Variants in LIN52 observed in about 807,000 individuals in gnomAD.
The protein encoded by LIN52 is lin-52 DREAM MuvB core complex component.
Under a neutral mutation model 18.5 loss-of-function variants are expected in LIN52, and 4 were observed. The observed-to-expected ratio is 0.22, with a 90% CI of 0.11 to 0.49. The LOEUF is 0.49. Among genes scored for constraint, LIN52 ranks in the 20% least tolerant of loss-of-function variants. The pLI is 0.97. For synonymous variants in LIN52, 34 were observed against 45.5 expected, an observed-to-expected ratio of 0.75 and a Z score of 1.02; for missense variants, 102 against 139.5, an observed-to-expected ratio of 0.73 and a Z score of 1.35.
In LIN52 at chr14:74,199,845, T is replaced by C. The variant is rs1380498543; in HGVS notation, c.*868T>C. 1 of 152,212 alleles carries C rather than the reference T, an allele frequency of 6.6e-6. No homozygotes were observed. The highest frequency in any genetic ancestry group is 1.9e-4 in the East Asian group (1 of 5,198). The allele number at this position is 152,212 out of a possible 1,614,324, so 9.4% of individuals were successfully genotyped here. On this transcript the variant is annotated 3_prime_UTR_variant, in exon 6 of 6. Transcript: ENST00000555028. The stretch of plus-strand genomic sequence containing the variant: ...TGAAAGCTAGAAGCCCTAATTGACC[T>C]TAAAGTAACATGCTATGGGATGGTG...
rs945254147 is a variant in LIN52, at chr14:74,201,316, A to G, written c.*2339A>G. Reference sequence around the variant, plus strand: ...CCAGAAAGTACAACTGTAATGATAAATAATCTACTGTTTTCCCCCTTAATA... The same window carrying G: ...CCAGAAAGTACAACTGTAATGATAAGTAATCTACTGTTTTCCCCCTTAATA... On this transcript the variant is annotated 3_prime_UTR_variant, in exon 6 of 6. Coordinates refer to ENST00000555028, the MANE Select transcript of LIN52 (RefSeq NM_001024674.3). The G allele has an allele frequency of 2.0e-5, 3 of 152,174 alleles. No individual in the cohort carries two copies. Among genetic ancestry groups the G allele is most frequent in the Admixed American group, 6.5e-5 (1 of 15,272 alleles). The allele number at this position is 152,174 out of a possible 1,614,324, so 9.4% of individuals were successfully genotyped here. A position where few individuals can be genotyped will look rare whatever the true frequency, so the allele number is the denominator to read the frequency against.
rs114904792 is a variant in LIN52, at chr14:74,147,796, A to G, written c.283+46558A>G. 6.3e-3 allele frequency among the ~76,000 whole-genome samples: 956 copies of G among 152,232 alleles called. 15 individuals carry two copies. Among genetic ancestry groups the G allele is most frequent in the African/African-American group, 0.022 (920 of 41,528 alleles). ...AGTAGTCAAATTCATAGAGACAGAA[A>G]GTAGAATGGGGGTTGGGAGGAATGG... On this transcript the variant is annotated intron_variant, in intron 5 of 5. Coordinates refer to ENST00000555028, the MANE Select transcript of LIN52 (RefSeq NM_001024674.3).
At chr14:74,190,389 C>CTTTTTT (rs68037994) in intron 5 of LIN52, among the ~76,000 whole-genome samples, 1,206 of 106,266 alleles carry the variant, frequency 0.011, 97 homozygotes, top group African/African-American at 0.043. Flanking sequence ...GCCTAAATAA[C>CTTTTTT]TTTTTTTTTT....
chr14:74,124,761 A>G lies in LIN52; in HGVS notation c.283+23523A>G, dbSNP rs371205879. On this transcript the variant is annotated intron_variant, in intron 5 of 5. Coordinates refer to ENST00000555028, the MANE Select transcript of LIN52 (RefSeq NM_001024674.3). ...GGGAGGTGGAGGTTGCAGTGAGCCA[A>G]GATTGCACCACTGCACCCCAGCCTG... is the stretch of plus-strand genomic sequence containing the variant. Among the ~76,000 whole-genome samples, 17 of 147,296 alleles carry G rather than the reference A, an allele frequency of 1.2e-4. 1 individual carries two copies. The highest frequency in any genetic ancestry group is 3.8e-4 in the African/African-American group (15 of 39,700).
intron 5 of LIN52, among the ~76,000 whole-genome samples, chr14:74,129,697 A>G (rs1258566915): frequency 6.6e-6 from 1 of 152,130 alleles, no homozygotes; most frequent in Non-Finnish European, 1.5e-5. Context: ...TACAAAAAAT[A>G]ATTAGCCAGG....
intron 5 of LIN52, among the ~76,000 whole-genome samples, chr14:74,161,101 G>A (rs1266623003): frequency 6.6e-6 from 1 of 152,140 alleles, no homozygotes; most frequent in African/African-American, 2.4e-5. Context: ...ACCTTAATTA[G>A]TATCACATTG....
intron 5 of LIN52, among the ~76,000 whole-genome samples, chr14:74,147,110 T>C (rs879404222): frequency 1.3e-5 from 2 of 151,922 alleles, no homozygotes; most frequent in East Asian, 3.9e-4. Flanking sequence ...ACTACAAAAT[T>C]AGCTGGGCAT....
intron 5 of LIN52, among the ~76,000 whole-genome samples, chr14:74,181,339 C>A (rs2061317882): frequency 1.3e-5 from 2 of 150,520 alleles, no homozygotes; most frequent in African/African-American, 4.9e-5. Context: ...ACTCAGGGGG[C>A]TAAGGTGGGA....
At position 74,182,877 on chromosome 14, in the gene LIN52, C is replaced by A. The variant is rs559778535; in HGVS notation, c.284-16045C>A. On this transcript the variant is annotated intron_variant, in intron 5 of 5. Coordinates refer to ENST00000555028, the MANE Select transcript of LIN52 (RefSeq NM_001024674.3). ...TTATGGGCAAAGTGAAAATTGTATTCTTAGATTCATCAGTATGATTTCTTA... is the reference window on the plus strand; with the variant it reads ...TTATGGGCAAAGTGAAAATTGTATTATTAGATTCATCAGTATGATTTCTTA... 2.4e-3 allele frequency among the ~76,000 whole-genome samples: 371 copies of A among 152,138 alleles called. 4 individuals are homozygous for A. The highest frequency in any genetic ancestry group is 8.5e-3 in the African/African-American group (353 of 41,520).
chr14:74,116,046 T>C (rs1171617376), intron 5 of LIN52, among the ~76,000 whole-genome samples: 1 of 152,212 alleles, frequency 6.6e-6, no homozygotes, highest in Non-Finnish European at 1.5e-5. Context: ...GCTCATGCCA[T>C]AATCCCAGCA....
intron 5 of LIN52, among the ~76,000 whole-genome samples, chr14:74,177,608 T>C (rs947154982): frequency 6.6e-6 from 1 of 152,184 alleles, no homozygotes; most frequent in Non-Finnish European, 1.5e-5. Context: ...AGTCTGAATA[T>C]TGGATTTCAT....
Position 74,130,278 on chromosome 14 carries a change from G to GTTTTTTTTTTTTTT in LIN52, c.283+29045_283+29058dup, listed in dbSNP as rs71460958. ...GAATTTATTAGATAGGCATTTTTTG[G>GTTTTTTTTTTTTTT]TTTTTTTTTTTTTTTTTTGAGACAG... On this transcript the variant is annotated intron_variant, in intron 5 of 5. Transcript: ENST00000555028. 3.6e-3 allele frequency among the ~76,000 whole-genome samples: 232 copies of GTTTTTTTTTTTTTT among 64,768 alleles called. 29 individuals are homozygous for GTTTTTTTTTTTTTT. Among genetic ancestry groups the GTTTTTTTTTTTTTT allele is most frequent in the African/African-American group, 0.011 (181 of 15,842 alleles). 42.5% of individuals were successfully genotyped at this position (64,768 alleles called of 152,430 possible).
chr14:74,089,806 C>T (rs1207165089), intron 1 of LIN52, among the ~76,000 whole-genome samples: 1 of 152,016 alleles, frequency 6.6e-6, no homozygotes, highest in African/African-American at 2.4e-5. Flanking sequence ...TAAAAGTCCT[C>T]ATGTTGAAAT....
At position 74,101,211 on chromosome 14, in the gene LIN52, C is replaced by G; in HGVS notation, c.256C>G (p.Leu86Val). ...GGAGAAGGTTCGAGGCCTACAGAAC[C>G]TAGCCTATCAGCTGGGGCTGGATGA... ...LMEKVRGLQN[L>V]AYQLGLDESR... Residue 86 changes from leucine (L) to valine (V), a missense_variant, in exon 5 of 6, where the codon CTA becomes GTA. Transcript: ENST00000555028. The G allele has an allele frequency of 6.2e-7, 1 of 1,610,770 alleles. No homozygotes were observed. Among genetic ancestry groups the G allele is most frequent in the Non-Finnish European group, 8.5e-7 (1 of 1,178,946 alleles).
intron 2 of LIN52, among the ~76,000 whole-genome samples, 192 bp from the exon 3 acceptor site, chr14:74,095,756 T>A (rs1399884624): frequency 6.6e-6 from 1 of 152,212 alleles, no homozygotes; most frequent in Non-Finnish European, 1.5e-5. Context: ...CTGACTTAGC[T>A]TGCCATTTTT....
chr14:74,150,543 G>A (rs2061172036), intron 5 of LIN52, among the ~76,000 whole-genome samples: 2 of 152,164 alleles, frequency 1.3e-5, no homozygotes, highest in South Asian at 2.1e-4. Flanking sequence ...ATGGCTGGGA[G>A]GGGGCCTGAG....
Position 74,084,966 on chromosome 14 carries a change from G to A in LIN52, c.-9G>A. On this transcript the variant is annotated 5_prime_UTR_variant, in exon 1 of 6. Transcript: ENST00000555028. ...ACGGTTGGCCACGTCACGTGACATGGGTTGGAAGATGGCGTCTCCCACAGA... is the reference window on the plus strand; with the variant it reads ...ACGGTTGGCCACGTCACGTGACATGAGTTGGAAGATGGCGTCTCCCACAGA... 4 of 1,452,290 alleles carry A rather than the reference G, an allele frequency of 2.8e-6. No homozygotes were observed. The highest frequency in any genetic ancestry group is 3.6e-6 in the Non-Finnish European group (4 of 1,100,356). The allele number at this position is 1,452,290 out of a possible 1,614,324, so 90.0% of individuals were successfully genotyped here.
chr14:74,166,639 T>C (rs1466268629), intron 5 of LIN52, among the ~76,000 whole-genome samples: 1 of 152,234 alleles, frequency 6.6e-6, no homozygotes, highest in African/African-American at 2.4e-5. Context: ...TTCTGTCTCA[T>C]GATGGGAAAT....
At chr14:74,150,287 A>G (rs2061170988) in intron 5 of LIN52, among the ~76,000 whole-genome samples, 2 of 152,240 alleles carry the variant, frequency 1.3e-5, no homozygotes, top group African/African-American at 4.8e-5. Flanking sequence ...AGTAGAATGA[A>G]TAAATAATGC....
Sources: gnomAD v4.1 joint callset for allele counts (sites outside exome capture counted in the v4.1 genomes callset) on GRCh38, gnomAD v4.1.1 for gene constraint, MANE v1.5 for transcripts, NCBI Gene and HGNC (gene_info 2026-07-23, HGNC 2026-07-21) for gene names.